The following DEDD2 variants were observed in gnomAD, a reference collection of about 807,000 sequenced individuals.
The protein encoded by DEDD2 is death effector domain containing 2.
Under a neutral mutation model 28.9 loss-of-function variants are expected in DEDD2, and 18 were observed. The ratio of observed to expected loss-of-function variants is 0.62; its 90% CI spans 0.43 to 0.92. DEDD2 has a LOEUF of 0.92. Among genes scored for constraint, DEDD2 ranks in the 40% least tolerant of loss-of-function variants. The probability of loss-of-function intolerance (pLI) is 0.00; values close to 1 mark genes in which losing one functional copy is unlikely to be tolerated. For missense variants in DEDD2, 411 were observed against 463.3 expected (o/e 0.89, Z 1.04); for synonymous variants, 211 against 206.1 (o/e 1.02, Z -0.20).
intron 2 of DEDD2, 35 bp downstream of exon 2, chr19:42,216,645 C>A (rs779867576): frequency 5.9e-5 from 90 of 1,513,538 alleles, no homozygotes; most frequent in Middle Eastern, 1.7e-4. Flanking sequence ...GCCCTTTCCT[C>A]CCAGGAAGTG....
rs1010719037 is a variant in DEDD2 at position 42,199,144 on chromosome 19, G to T, written c.*294C>A. 19 of 451,540 alleles carry T rather than the reference G, an allele frequency of 4.2e-5. No homozygotes were observed. The highest frequency in any genetic ancestry group is 5.7e-4 in the Middle Eastern group (1 of 1,740). 28.0% of individuals were successfully genotyped at this position (451,540 alleles called of 1,614,324 possible). The stretch of plus-strand genomic sequence containing the variant: ...GATACAATGTGCAGGGGGGCCTTTG[G>T]TGAGTGTGTAGCTGTGCCCCTCCCT... On this transcript the variant is annotated 3_prime_UTR_variant, in exon 5 of 5. Coordinates refer to ENST00000596251, the MANE Select transcript of DEDD2 (RefSeq NM_133328.4). This position sits in a 1 kb window ranked among gnomAD's most constrained non-coding sequence, Gnocchi z 7.4.
In DEDD2 at chr19:42,209,493, G is replaced by C. The variant is rs142200954; in HGVS notation, c.589+207C>G. On this transcript the variant is annotated intron_variant, in intron 4 of 4. Coordinates refer to ENST00000596251, the MANE Select transcript of DEDD2 (RefSeq NM_133328.4). ...TTGTCAGGAAAGGCTTCCTGAAGGA[G>C]GTGGCACAAGATCTGATCCTTCAAC... Among the ~76,000 whole-genome samples, 22 of 152,326 alleles carry C rather than the reference G, an allele frequency of 1.4e-4. No individual in the cohort carries two copies. The East Asian group carries it at 4.2e-3, about 29-fold the overall frequency.
At chr19:42,215,321 C>G in intron 2 of DEDD2, 69 bp from the exon 3 acceptor site, 1 of 1,588,948 alleles carries the variant, frequency 6.3e-7, no homozygotes, top group South Asian at 1.1e-5. Flanking sequence ...TGGAAGAATG[C>G]CTGCACCACG....
intron 4 of DEDD2, among the ~76,000 whole-genome samples, chr19:42,203,696 G>A (rs912958860): frequency 1.3e-5 from 2 of 152,232 alleles, no homozygotes; most frequent in Non-Finnish European, 2.9e-5. Flanking sequence ...CAAGGAAAGA[G>A]GGGAGGCCAG....
At chr19:42,213,518 G>A (rs373830053) in intron 3 of DEDD2, among the ~76,000 whole-genome samples, 5 of 152,258 alleles carry the variant, frequency 3.3e-5, no homozygotes, top group Admixed American at 2.0e-4. Flanking sequence ...AAGCCAGGCC[G>A]TACATGCCTG....
intron 3 of DEDD2, among the ~76,000 whole-genome samples, chr19:42,213,912 C>T (rs1034100145): frequency 2.0e-5 from 3 of 152,084 alleles, no homozygotes; most frequent in Admixed American, 1.3e-4. Context: ...TCAGAGAATT[C>T]GTGTTTATTT....
intron 2 of DEDD2, among the ~76,000 whole-genome samples, chr19:42,215,848 G>A (rs2035946109): frequency 6.6e-6 from 1 of 152,190 alleles, no homozygotes; most frequent in Admixed American, 6.5e-5. Flanking sequence ...TCCTCCAGGA[G>A]CACTTCCTTC....
intron 4 of DEDD2, among the ~76,000 whole-genome samples, chr19:42,206,474 T>C (rs748869003): frequency 1.4e-4 from 22 of 152,174 alleles, no homozygotes; most frequent in Non-Finnish European, 2.5e-4. Flanking sequence ...TAAATACATA[T>C]GGAATAAACA....
chr19:42,207,107 T>C (rs2035564567), intron 4 of DEDD2, among the ~76,000 whole-genome samples: 1 of 152,140 alleles, frequency 6.6e-6, no homozygotes, highest in Non-Finnish European at 1.5e-5. Flanking sequence ...CTCTGGGAAT[T>C]ACTGGCTGAT....
chr19:42,208,203 C>T (rs1430869580), intron 4 of DEDD2, among the ~76,000 whole-genome samples: 1 of 152,136 alleles, frequency 6.6e-6, no homozygotes, highest in East Asian at 1.9e-4. Flanking sequence ...TTGCTGTGTC[C>T]TCCCCACATG....
chr19:42,215,500 AT>A (rs1279080830), intron 2 of DEDD2, among the ~76,000 whole-genome samples: 1 of 152,186 alleles, frequency 6.6e-6, no homozygotes, highest in Non-Finnish European at 1.5e-5. Flanking sequence ...GTTGATAGTC[AT>A]GGTAAGGGTC....
In DEDD2 at chr19:42,199,221, G is replaced by T; in HGVS notation, c.*217C>A. ...TCCGGAGGCTAAGGGGGCACACCTG[G>T]GGGTAGGAGGAGTCTGGGAAGGAAA... On this transcript the variant is annotated 3_prime_UTR_variant, in exon 5 of 5. Transcript: ENST00000596251. This position sits in a 1 kb window ranked among gnomAD's most constrained non-coding sequence, Gnocchi z 7.4. The T allele has an allele frequency of 1.4e-6, 1 of 705,312 alleles. No homozygotes were observed. 43.7% of individuals were successfully genotyped at this position (705,312 alleles called of 1,614,324 possible). A position where few individuals can be genotyped will look rare whatever the true frequency, so the allele number is the denominator to read the frequency against.
intron 4 of DEDD2, among the ~76,000 whole-genome samples, chr19:42,205,650 G>C (rs2035505031): frequency 6.6e-6 from 1 of 151,810 alleles, no homozygotes; most frequent in Non-Finnish European, 1.5e-5. Flanking sequence ...CTCTTTTCAA[G>C]ATACACAGTG....
chr19:42,217,678 GTT>G (rs1482555011), upstream of DEDD2: 3 of 152,636 alleles, frequency 2.0e-5, no homozygotes, highest in Non-Finnish European at 4.4e-5. Context: ...GCAGCCACTT[GTT>G]TTGGATCTTT....
upstream of DEDD2, among the ~76,000 whole-genome samples, chr19:42,219,810 T>C (rs759565733): frequency 1.3e-5 from 2 of 152,216 alleles, no homozygotes; most frequent in Non-Finnish European, 2.9e-5. Flanking sequence ...GGATTCTGTC[T>C]TGCTAAGTGG....
chr19:42,211,833 T>G (rs1433525367), intron 3 of DEDD2: 3 of 151,044 alleles, frequency 2.0e-5, no homozygotes, highest in African/African-American at 7.3e-5. Context: ...AAGTCGGGAG[T>G]TCGAGACCAG....
chr19:42,214,018 A>G (rs1478268734), intron 3 of DEDD2, among the ~76,000 whole-genome samples: 1 of 152,234 alleles, frequency 6.6e-6, no homozygotes, highest in Admixed American at 6.5e-5. Flanking sequence ...TCTGTAATTT[A>G]CTTTCAAAGG....
At position 42,199,666 on chromosome 19, in the gene DEDD2, G is replaced by T. The variant is rs2035246725; in HGVS notation, c.753C>A (p.Ile251=). 6.2e-7 allele frequency: 1 copy of T among 1,614,026 alleles called. No homozygotes were observed. Among genetic ancestry groups the T allele is most frequent in the African/African-American group, 1.3e-5 (1 of 74,942 alleles). Residue 251 remains isoleucine, a synonymous_variant, in exon 5 of 5, where the codon ATC becomes ATA. Coordinates refer to ENST00000596251, the MANE Select transcript of DEDD2 (RefSeq NM_133328.4). The surrounding 1 kb of genome is among the most constrained non-coding windows in gnomAD (Gnocchi z 7.4). ...SRDLGSVVCD[I]KFSELSYLDA... ...CCAGATAGGAGAGCTCTGAGAACTT[G>T]ATGTCACAAACCACAGAGCCCAGGT...
chr19:42,212,960 T>C (rs2035827425), intron 3 of DEDD2, among the ~76,000 whole-genome samples: 2 of 152,210 alleles, frequency 1.3e-5, no homozygotes, highest in South Asian at 4.1e-4. Context: ...CTAACACTGT[T>C]CACTGAAAGA....
Sources: gnomAD v4.1 joint callset for allele counts (sites outside exome capture counted in the v4.1 genomes callset) on GRCh38, gnomAD v4.1.1 for gene constraint, Gnocchi (gnomAD v3.1) non-coding constraint, MANE v1.5 for transcripts, NCBI Gene and HGNC (gene_info 2026-07-23, HGNC 2026-07-21) for gene names.